Variants in RGS7 observed in about 807,000 individuals in gnomAD.
RGS7 encodes regulator of G-protein signaling 7.
A neutral mutation model predicts 81.1 loss-of-function variants in RGS7; 27 were observed. The observed-to-expected ratio is 0.33, with a 90% confidence interval of 0.25 to 0.46. The LOEUF is 0.46. Ranked by LOEUF, RGS7 falls within the 20% of genes least tolerant of loss-of-function variation. RGS7 has a pLI of 1.00. For synonymous variants in RGS7, 208 were observed against 207.7 expected, an observed-to-expected ratio of 1.00 and a Z score of -0.01; for missense variants, 396 against 607.4, an observed-to-expected ratio of 0.65 and a Z score of 3.66.
chr1:241,173,491 C>A (rs199803311), intron 2 of RGS7, among the ~76,000 whole-genome samples: 1 of 152,118 alleles, frequency 6.6e-6, no homozygotes, highest in Non-Finnish European at 1.5e-5. Context: ...TAGTGGTAAT[C>A]TGAAAACTAC....
intron 2 of RGS7, among the ~76,000 whole-genome samples, chr1:241,339,237 C>T (rs764045540): frequency 3.9e-5 from 6 of 152,260 alleles, no homozygotes; most frequent in East Asian, 3.9e-4. Flanking sequence ...TTTAAGGCTG[C>T]GTAGTATTCC....
chr1:241,321,010 T>C lies in RGS7; in HGVS notation c.78+34689A>G, dbSNP rs573255508. Among the ~76,000 whole-genome samples, 25 of 152,294 alleles carry C rather than the reference T, an allele frequency of 1.6e-4. No homozygotes were observed. In the South Asian group the frequency reaches 2.7e-3, roughly 16 times the overall value. ...TAACAAAATCTGCTGTTATTAACAA[T>C]GATTCCCACTGGAATATTGGAAGAC... On this transcript the variant is annotated intron_variant, in intron 2 of 18. Coordinates refer to ENST00000440928, the MANE Select transcript of RGS7 (RefSeq NM_001364886.1).
chr1:240,872,592 G>T (rs1217313160), intron 6 of RGS7, among the ~76,000 whole-genome samples: 1 of 152,206 alleles, frequency 6.6e-6, no homozygotes, highest in East Asian at 1.9e-4. Flanking sequence ...GACCTCATCA[G>T]TCTAGTCCAG....
In RGS7 at chr1:241,046,543, G is replaced by T. The variant is rs551974084; in HGVS notation, c.175+52123C>A. Among the ~76,000 whole-genome samples, 129 of 152,280 alleles carry T rather than the reference G, an allele frequency of 8.5e-4. 1 individual carries two copies. The highest frequency in any genetic ancestry group is 2.8e-3 in the African/African-American group (115 of 41,564). On this transcript the variant is annotated intron_variant, in intron 3 of 18. Coordinates refer to ENST00000440928, the MANE Select transcript of RGS7 (RefSeq NM_001364886.1). ...TGAAAAACCATTTGTCTTCAGTGGGGAAAAAGAACTGCAAGTGGGTTATTC... is the reference window on the plus strand; with the variant it reads ...TGAAAAACCATTTGTCTTCAGTGGGTAAAAAGAACTGCAAGTGGGTTATTC...
At chr1:240,874,842 A>C (rs1390640903) in intron 6 of RGS7, among the ~76,000 whole-genome samples, 1 of 152,096 alleles carries the variant, frequency 6.6e-6, no homozygotes, top group Non-Finnish European at 1.5e-5. Context: ...GGAGCTCGAG[A>C]CCAACCTGGC....
chr1:241,204,491 A>C (rs2073745140), intron 2 of RGS7, among the ~76,000 whole-genome samples: 1 of 152,182 alleles, frequency 6.6e-6, no homozygotes, highest in South Asian at 2.1e-4. Context: ...CATTTAGCAA[A>C]AATCAAAATT....
chr1:241,297,455 T>C (rs905163665), intron 2 of RGS7, among the ~76,000 whole-genome samples: 1 of 152,216 alleles, frequency 6.6e-6, no homozygotes, highest in Non-Finnish European at 1.5e-5. Flanking sequence ...GCAGCTTTGA[T>C]TCTTCAGCAT....
chr1:241,043,813 G>A (rs12091542), intron 3 of RGS7, among the ~76,000 whole-genome samples: 6,592 of 151,938 alleles, frequency 0.043, 165 homozygotes, highest in African/African-American at 0.052. Flanking sequence ...ATGTTTTAAT[G>A]TATAAGGGAG....
chr1:241,086,951 C>G (rs1283908877), intron 3 of RGS7, among the ~76,000 whole-genome samples: 2 of 152,206 alleles, frequency 1.3e-5, no homozygotes, highest in South Asian at 4.1e-4. Flanking sequence ...CCAAGAAAAG[C>G]CTCTGACCCC....
At chr1:241,142,963 A>G (rs1305919033) in intron 2 of RGS7, among the ~76,000 whole-genome samples, 2 of 152,124 alleles carry the variant, frequency 1.3e-5, no homozygotes, top group Non-Finnish European at 2.9e-5. Flanking sequence ...GATACCCTAA[A>G]TCATCTCTCT....
chr1:240,784,684 A>G (rs1259183267), intron 18 of RGS7, among the ~76,000 whole-genome samples: 18 of 149,978 alleles, frequency 1.2e-4, no homozygotes, highest in African/African-American at 4.4e-4. Context: ...AAAAAAATTT[A>G]ACCTCCATTT....
chr1:241,314,472 T>C lies in RGS7; in HGVS notation c.78+41227A>G, dbSNP rs114318395. Among the ~76,000 whole-genome samples the C allele has an allele frequency of 5.8e-3, 882 of 152,300 alleles. 5 individuals are homozygous for C. The highest frequency in any genetic ancestry group is 0.019 in the African/African-American group (810 of 41,576). Reference sequence around the variant, plus strand: ...TTTTAGCCATAATGTTCTTTGACACTTATTAGACTACAGTGTGGTATAAAC... The same window carrying C: ...TTTTAGCCATAATGTTCTTTGACACCTATTAGACTACAGTGTGGTATAAAC... On this transcript the variant is annotated intron_variant, in intron 2 of 18. Coordinates refer to ENST00000440928, the MANE Select transcript of RGS7 (RefSeq NM_001364886.1).
chr1:241,254,394 C>T (rs1263876796), intron 2 of RGS7, among the ~76,000 whole-genome samples: 1 of 152,012 alleles, frequency 6.6e-6, no homozygotes, highest in Non-Finnish European at 1.5e-5. Context: ...GTGGCTTAAA[C>T]AACAAAATTT....
intron 2 of RGS7, among the ~76,000 whole-genome samples, chr1:241,275,789 T>C (rs1227875100): frequency 6.6e-6 from 1 of 152,196 alleles, no homozygotes; most frequent in Non-Finnish European, 1.5e-5. Context: ...GATGCAACTA[T>C]TCACTCATCT....
chr1:241,282,786 T>G (rs972594581), intron 2 of RGS7, among the ~76,000 whole-genome samples: 2 of 152,194 alleles, frequency 1.3e-5, no homozygotes, highest in African/African-American at 2.4e-5. Context: ...GGGTGTTAAA[T>G]TTTGTCACAT....
intron 3 of RGS7, among the ~76,000 whole-genome samples, chr1:241,073,146 C>T (rs548069558): frequency 1.7e-4 from 26 of 152,312 alleles, no homozygotes; most frequent in African/African-American, 4.8e-4. Flanking sequence ...GCAATTACTG[C>T]TCTTCCATCA....
intron 2 of RGS7, among the ~76,000 whole-genome samples, chr1:241,267,629 G>C (rs1478564659): frequency 6.6e-6 from 1 of 152,064 alleles, no homozygotes; most frequent in Non-Finnish European, 1.5e-5. Context: ...TCACATGCTA[G>C]AGCCCCCCAT....
chr1:240,859,049 G>A (rs1661665554), intron 9 of RGS7, among the ~76,000 whole-genome samples: 1 of 152,176 alleles, frequency 6.6e-6, no homozygotes, highest in Non-Finnish European at 1.5e-5. Context: ...GGAAAAGATT[G>A]TAAAGAATTG....
intron 2 of RGS7, among the ~76,000 whole-genome samples, chr1:241,145,714 A>G (rs1182630683): frequency 6.6e-6 from 1 of 152,230 alleles, no homozygotes; most frequent in African/African-American, 2.4e-5. Flanking sequence ...CCTGCATTCT[A>G]GCCTGGGCGA....
Sources: allele counts gnomAD v4.1 joint callset (sites outside exome capture counted in the v4.1 genomes callset), GRCh38; gene constraint gnomAD v4.1.1; transcripts MANE v1.5; gene names NCBI Gene and HGNC (gene_info 2026-07-23, HGNC 2026-07-21).